Variants in ZNF503 observed in about 807,000 individuals in gnomAD.
ZNF503 encodes NocA-like zinc finger 2.
ZNF503 carries 15 observed loss-of-function variants against 34.4 expected under a neutral mutation model. The observed-to-expected ratio is 0.44, with a 90% CI of 0.29 to 0.67. ZNF503 has a LOEUF of 0.67. ZNF503 is among the 30% of genes least tolerant of loss of function. ZNF503 has a pLI of 0.13. For synonymous variants in ZNF503, 580 were observed against 456.8 expected (o/e 1.27, Z -3.44); for missense variants, 1,007 against 926.8 (o/e 1.09, Z -1.12).
chr10:75,361,067 A>T, the ZNF503 span: 2 of 151,962 alleles, frequency 1.3e-5, no homozygotes. Flanking sequence ...ACAATGTTTT[A>T]CTCCTCTGAC....
chr10:75,401,453 A>T lies in ZNF503; in HGVS notation c.-34T>A. 6.6e-7 allele frequency: 1 copy of T among 1,516,390 alleles called. No individual in the cohort carries two copies. The highest frequency in any genetic ancestry group is 8.8e-7 in the Non-Finnish European group (1 of 1,139,124). 93.9% of individuals were successfully genotyped at this position (1,516,390 alleles called of 1,614,324 possible). A position where few individuals can be genotyped will look rare whatever the true frequency, so the allele number is the denominator to read the frequency against. On this transcript the variant is annotated 5_prime_UTR_variant, in exon 1 of 2. Transcript: ENST00000372524. Reference sequence around the variant, plus strand: ...CGCGCGCATGGGAGCAGCGGGGGGGAGGGCTCCGGGAGGCGCGGGGCGGGC... The same window carrying T: ...CGCGCGCATGGGAGCAGCGGGGGGGTGGGCTCCGGGAGGCGCGGGGCGGGC...
At chr10:75,357,639 T>C in the ZNF503 span, among the ~76,000 whole-genome samples, 25 of 152,074 alleles carry the variant, frequency 1.6e-4, no homozygotes, top group African/African-American at 5.8e-4. Flanking sequence ...TGTTAGCAGA[T>C]TGAATGGCGC....
chr10:75,333,589 A>AC, the ZNF503 span, among the ~76,000 whole-genome samples: 41 of 61,438 alleles, frequency 6.7e-4, no homozygotes, highest in Admixed American at 5.8e-3. Context: ...CGGGGGGCTG[A>AC]CCCCCCCACC....
At chr10:75,366,187 A>C in the ZNF503 span, among the ~76,000 whole-genome samples, 1 of 152,244 alleles carries the variant, frequency 6.6e-6, no homozygotes, top group Non-Finnish European at 1.5e-5. Context: ...AGGCCATGGC[A>C]GCAAATAGGT....
the ZNF503 span, among the ~76,000 whole-genome samples, chr10:75,336,820 C>T: frequency 6.6e-6 from 1 of 152,212 alleles, no homozygotes; most frequent in Non-Finnish European, 1.5e-5. Flanking sequence ...GGGTGTCACT[C>T]TCAGCCTATT....
At chr10:75,355,196 G>A in the ZNF503 span, among the ~76,000 whole-genome samples, 1 of 152,248 alleles carries the variant, frequency 6.6e-6, no homozygotes, top group African/African-American at 2.4e-5. Flanking sequence ...TCCTCCTTAT[G>A]CCTATTTTCT....
the ZNF503 span, among the ~76,000 whole-genome samples, chr10:75,280,817 G>A: frequency 6.6e-6 from 1 of 152,110 alleles, no homozygotes; most frequent in African/African-American, 2.4e-5. Context: ...GGCCATGAAG[G>A]ACTCCTCTGA....
chr10:75,333,301 T>C, the ZNF503 span, among the ~76,000 whole-genome samples: 2 of 63,680 alleles, frequency 3.1e-5, no homozygotes, highest in Admixed American at 1.5e-4. Flanking sequence ...CCCACCTCCC[T>C]CCCGGACGGG....
At position 75,399,542 on chromosome 10, in the gene ZNF503, G is replaced by C; in HGVS notation, c.1148C>G (p.Pro383Arg). The C allele has an allele frequency of 6.3e-7, 1 of 1,591,476 alleles. No individual in the cohort carries two copies. Among genetic ancestry groups the C allele is most frequent in the Non-Finnish European group, 8.5e-7 (1 of 1,176,448 alleles). The change falls in exon 2 of 2, where the codon CCC (proline) becomes CGC (arginine). Residue 383 changes from proline (P) to arginine (R), a missense_variant. Physicochemically the swap from Pro to Arg is moderately radical, Grantham distance 103. Transcript: ENST00000372524. ...QFLPHGVALD[P>R]TKPGSLVGAQ... ...CCCCACCAGGCTGCCCGGCTTGGTG[G>C]GGTCAAGTGCCACGCCGTGTGGCAG...
chr10:75,312,803 A>G, the ZNF503 span, among the ~76,000 whole-genome samples: 1 of 152,210 alleles, frequency 6.6e-6, no homozygotes. Flanking sequence ...GTAGCTGGTG[A>G]TATGGTTTGG....
At chr10:75,286,987 T>C in the ZNF503 span, among the ~76,000 whole-genome samples, 5 of 152,322 alleles carry the variant, frequency 3.3e-5, no homozygotes, top group East Asian at 9.7e-4. Context: ...GTGTCTCATG[T>C]GCCCTGATGT....
chr10:75,329,965 T>G, the ZNF503 span, among the ~76,000 whole-genome samples: 1 of 152,252 alleles, frequency 6.6e-6, no homozygotes, highest in Non-Finnish European at 1.5e-5. Context: ...ATCTTTTCCC[T>G]GTTCGGTATG....
chr10:75,377,444 C>T, the ZNF503 span, among the ~76,000 whole-genome samples: 1 of 152,162 alleles, frequency 6.6e-6, no homozygotes, highest in South Asian at 2.1e-4. Flanking sequence ...AAAACACAGA[C>T]CTGGGCTGGG....
chr10:75,307,773 T>C, the ZNF503 span, among the ~76,000 whole-genome samples: 1 of 152,182 alleles, frequency 6.6e-6, no homozygotes, highest in African/African-American at 2.4e-5. Flanking sequence ...CTGAAAATCC[T>C]AGGGCCCTTA....
the ZNF503 span, among the ~76,000 whole-genome samples, chr10:75,342,785 C>A: frequency 1.3e-5 from 2 of 152,038 alleles, no homozygotes; most frequent in Admixed American, 6.6e-5. Context: ...TAGACTGAAC[C>A]CTTGCTGGGA....
the ZNF503 span, among the ~76,000 whole-genome samples, chr10:75,391,534 T>C: frequency 6.6e-6 from 1 of 152,186 alleles, no homozygotes; most frequent in Non-Finnish European, 1.5e-5. Context: ...AGCCACTATT[T>C]AGGAGTCTTT....
the ZNF503 span, among the ~76,000 whole-genome samples, chr10:75,374,243 A>C: frequency 6.6e-6 from 1 of 152,188 alleles, no homozygotes. Flanking sequence ...TGGAGGTTGC[A>C]GTGAGCCAAG....
At chr10:75,337,952 A>G in the ZNF503 span, among the ~76,000 whole-genome samples, 13 of 152,368 alleles carry the variant, frequency 8.5e-5, no homozygotes, top group Non-Finnish European at 1.9e-4. Flanking sequence ...ATATAGAGAT[A>G]AATAAGACCC....
At position 75,401,452 on chromosome 10, in the gene ZNF503, G is replaced by T. The variant is rs1006855204; in HGVS notation, c.-33C>A. Reference sequence around the variant, plus strand: ...CCGCGCGCATGGGAGCAGCGGGGGGGAGGGCTCCGGGAGGCGCGGGGCGGG... The same window carrying T: ...CCGCGCGCATGGGAGCAGCGGGGGGTAGGGCTCCGGGAGGCGCGGGGCGGG... On this transcript the variant is annotated 5_prime_UTR_variant, in exon 1 of 2. Coordinates refer to ENST00000372524, the MANE Select transcript of ZNF503 (RefSeq NM_032772.6). 5.3e-6 allele frequency: 8 copies of T among 1,518,946 alleles called. No homozygotes were observed. In the African/African-American group the frequency reaches 8.6e-5, roughly 16 times the overall value. 94.1% of individuals were successfully genotyped at this position (1,518,946 alleles called of 1,614,324 possible). A position where few individuals can be genotyped will look rare whatever the true frequency, so the allele number is the denominator to read the frequency against.
Sources: allele counts gnomAD v4.1 joint callset (sites outside exome capture counted in the v4.1 genomes callset), GRCh38; gene constraint gnomAD v4.1.1; transcripts MANE v1.5; gene names NCBI Gene and HGNC (gene_info 2026-07-23, HGNC 2026-07-21).